SLC4A4: variants seen among roughly 807,000 people sequenced by gnomAD.
SLC4A4 encodes the protein solute carrier family 4 member 4.
A neutral mutation model predicts 111.5 loss-of-function variants in SLC4A4; 27 were observed. The ratio of observed to expected loss-of-function variants is 0.24; its 90% CI spans 0.18 to 0.33. SLC4A4 has a LOEUF of 0.33. SLC4A4 is among the 10% of genes least tolerant of loss of function. The pLI, the probability that SLC4A4 is intolerant of heterozygous loss-of-function variation, is 1.00. For missense variants in SLC4A4, 909 were observed against 1,315.5 expected, an observed-to-expected ratio of 0.69 and a Z score of 4.78; for synonymous variants, 443 against 463.4, an observed-to-expected ratio of 0.96 and a Z score of 0.57.
intron 18 of SLC4A4, among the ~76,000 whole-genome samples, chr4:71,536,485 T>TAAAA (rs1553928652): frequency 0.033 from 2,787 of 83,928 alleles, 112 homozygotes; most frequent in East Asian, 0.13. Context: ...TATATATATA[T>TAAAA]ATGTATATAT....
chr4:71,188,346 C>G (rs1008210943), intron 1 of SLC4A4, among the ~76,000 whole-genome samples: 3 of 152,170 alleles, frequency 2.0e-5, no homozygotes, highest in African/African-American at 7.2e-5. Context: ...TCTCAAGGCC[C>G]TACCTTCTCA....
At chr4:71,385,579 A>G (rs1430619735) in intron 6 of SLC4A4, among the ~76,000 whole-genome samples, 1 of 152,196 alleles carries the variant, frequency 6.6e-6, no homozygotes, top group African/African-American at 2.4e-5. Flanking sequence ...ATACATGAAT[A>G]GAATTTATAT....
intron 6 of SLC4A4, among the ~76,000 whole-genome samples, chr4:71,391,751 A>G (rs1470870111): frequency 6.6e-6 from 1 of 151,988 alleles, no homozygotes; most frequent in East Asian, 1.9e-4. Context: ...TGAATCTTAA[A>G]AAACACAAAG....
At chr4:71,105,424 T>G (rs1742880811) in intron 2 of SLC4A4, among the ~76,000 whole-genome samples, 3 of 151,056 alleles carry the variant, frequency 2.0e-5, no homozygotes, top group Non-Finnish European at 4.4e-5. Context: ...AAAACTACTT[T>G]AAAGTTCATA....
At chr4:71,350,374 T>C (rs1228896939) in intron 5 of SLC4A4, among the ~76,000 whole-genome samples, 1 of 151,918 alleles carries the variant, frequency 6.6e-6, no homozygotes, top group Non-Finnish European at 1.5e-5. Flanking sequence ...TTTTATTTTA[T>C]TTTATTATTA....
rs1728018801 is a variant in SLC4A4 at position 71,472,930 on chromosome 4, C to T, written c.1863C>T (p.Tyr621=). The change falls in exon 14 of 26, where the codon TAC becomes TAT. Residue 621 remains tyrosine (Y), a synonymous_variant. Coordinates refer to ENST00000264485, the MANE Select transcript of SLC4A4 (RefSeq NM_001098484.3). ...TCAACTCCAACTTCAAAGTGGGCTA[C>T]AACACTCTCTTTTCCTGTACCTGTG... ...YPINSNFKVG[Y]NTLFSCTCVP... is the part of the protein sequence containing the mutation. The T allele has an allele frequency of 2.5e-6, 4 of 1,612,998 alleles. No homozygotes were observed. The highest frequency in any genetic ancestry group is 3.4e-6 in the Non-Finnish European group (4 of 1,179,352).
intron 7 of SLC4A4, among the ~76,000 whole-genome samples, chr4:71,406,760 C>T (rs920451642): frequency 6.6e-6 from 1 of 151,364 alleles, no homozygotes; most frequent in Non-Finnish European, 1.5e-5. Flanking sequence ...GTGTTCCATG[C>T]ATACACATAT....
At chr4:71,510,882 A>G (rs1164856140) in intron 16 of SLC4A4, among the ~76,000 whole-genome samples, 1 of 151,964 alleles carries the variant, frequency 6.6e-6, no homozygotes, top group Non-Finnish European at 1.5e-5. Flanking sequence ...TGTGTCTTCT[A>G]GAGATTTTTG....
At chr4:71,140,295 C>T (rs1256287773) in intron 2 of SLC4A4, among the ~76,000 whole-genome samples, 1 of 151,996 alleles carries the variant, frequency 6.6e-6, no homozygotes, top group Non-Finnish European at 1.5e-5. Context: ...GTGATGCGCA[C>T]CTGAAGTCCC....
chr4:71,102,124 G>A (rs1742759282), intron 2 of SLC4A4, among the ~76,000 whole-genome samples: 2 of 152,138 alleles, frequency 1.3e-5, no homozygotes, highest in African/African-American at 4.8e-5. Flanking sequence ...TGTGAAGAAT[G>A]CAGAAGCCTC....
Position 71,569,364 on chromosome 4 carries a change from A to G in SLC4A4, c.*1613A>G, listed in dbSNP as rs1307808925. ...GCAGAGCTGCAGAGTACAGTGTAAC[A>G]GTACTCTCATGCAATTTTTTTCAGG... On this transcript the variant is annotated 3_prime_UTR_variant, in exon 26 of 26. Coordinates refer to ENST00000264485, the MANE Select transcript of SLC4A4 (RefSeq NM_001098484.3). The G allele has an allele frequency of 6.6e-6, 1 of 151,684 alleles. No homozygotes were observed. The highest frequency in any genetic ancestry group is 1.9e-4 in the East Asian group (1 of 5,140). 9.4% of individuals were successfully genotyped at this position (151,684 alleles called of 1,614,324 possible). A position where few individuals can be genotyped will look rare whatever the true frequency, so the allele number is the denominator to read the frequency against.
intron 2 of SLC4A4, among the ~76,000 whole-genome samples, chr4:71,139,349 C>T (rs1294831522): frequency 1.3e-5 from 2 of 152,144 alleles, no homozygotes; most frequent in African/African-American, 2.4e-5. Context: ...TGTCCCACTC[C>T]TGGTCCTCTT....
At chr4:71,394,293 C>T (rs1719587485) in intron 6 of SLC4A4, among the ~76,000 whole-genome samples, 1 of 151,548 alleles carries the variant, frequency 6.6e-6, no homozygotes, top group South Asian at 2.1e-4. Flanking sequence ...ACAACAAACT[C>T]AAACAAATTA....
chr4:71,334,898 G>A (rs78093639), intron 3 of SLC4A4, among the ~76,000 whole-genome samples: 19,435 of 152,216 alleles, frequency 0.13, 1,562 homozygotes, highest in South Asian at 0.34. Context: ...TGTTTTTTAG[G>A]CAGGAGACCA....
At chr4:71,241,390 G>A (rs1720210591) in intron 2 of SLC4A4, among the ~76,000 whole-genome samples, 1 of 151,880 alleles carries the variant, frequency 6.6e-6, no homozygotes, top group African/African-American at 2.4e-5. Flanking sequence ...TTGTCTTTTT[G>A]GAAGTCAAGA....
At chr4:71,160,021 G>A (rs1182183804) in intron 2 of SLC4A4, among the ~76,000 whole-genome samples, 1 of 152,024 alleles carries the variant, frequency 6.6e-6, no homozygotes, top group Non-Finnish European at 1.5e-5. Flanking sequence ...TTTATTGAAT[G>A]CTTACTATGC....
chr4:71,241,080 C>T (rs975107341), intron 2 of SLC4A4, among the ~76,000 whole-genome samples: 2 of 152,032 alleles, frequency 1.3e-5, no homozygotes, highest in Non-Finnish European at 2.9e-5. Flanking sequence ...GATTGTGTCA[C>T]TGCACTCCAG....
At chr4:71,102,316 G>T (rs1434561814) in intron 2 of SLC4A4, among the ~76,000 whole-genome samples, 5 of 149,922 alleles carry the variant, frequency 3.3e-5, no homozygotes, top group African/African-American at 9.9e-5. Flanking sequence ...GAAAGTGATG[G>T]GGAGAATGGA....
chr4:71,198,712 G>A (rs1281046480), intron 1 of SLC4A4, among the ~76,000 whole-genome samples: 1 of 152,280 alleles, frequency 6.6e-6, no homozygotes, highest in South Asian at 2.1e-4. Flanking sequence ...TGTAATCCTT[G>A]TGCTTTAGGA....
Sources: allele counts gnomAD v4.1 joint callset (sites outside exome capture counted in the v4.1 genomes callset), GRCh38; gene constraint gnomAD v4.1.1; transcripts MANE v1.5; gene names NCBI Gene and HGNC (gene_info 2026-07-23, HGNC 2026-07-21).